HS6ST3: variants seen among roughly 807,000 people sequenced by gnomAD.
The protein encoded by HS6ST3 is heparan-sulfate 6-O-sulfotransferase 3.
Under a neutral mutation model 36.7 loss-of-function variants are expected in HS6ST3, and 12 were observed. The ratio of observed to expected loss-of-function variants is 0.33; its 90% CI spans 0.21 to 0.53. HS6ST3 has a LOEUF of 0.53. HS6ST3 is among the 20% of genes least tolerant of loss of function. The probability of loss-of-function intolerance (pLI) is 0.95; values close to 1 mark genes in which losing one functional copy is unlikely to be tolerated. For synonymous variants in HS6ST3, 240 were observed against 257.5 expected, an observed-to-expected ratio of 0.93 and a Z score of 0.65; for missense variants, 584 against 640.9, an observed-to-expected ratio of 0.91 and a Z score of 0.96.
intron 1 of HS6ST3, among the ~76,000 whole-genome samples, chr13:96,212,151 T>G (rs1340939233): frequency 6.6e-6 from 1 of 152,224 alleles, no homozygotes; most frequent in Non-Finnish European, 1.5e-5. Flanking sequence ...TTTTGTAGAA[T>G]TTTTGAAATG....
intron 1 of HS6ST3, among the ~76,000 whole-genome samples, chr13:96,647,791 A>T (rs1205931768): frequency 6.6e-6 from 1 of 151,980 alleles, no homozygotes; most frequent in Non-Finnish European, 1.5e-5. Context: ...TTCACAGGAA[A>T]ACATAGAAAA....
intron 1 of HS6ST3, among the ~76,000 whole-genome samples, chr13:96,639,242 A>G (rs2056561720): frequency 6.6e-6 from 1 of 151,992 alleles, no homozygotes; most frequent in African/African-American, 2.4e-5. Flanking sequence ...AAATTGCTAT[A>G]ATTTCTAATA....
chr13:96,169,676 G>A (rs568928120), intron 1 of HS6ST3: 14 of 152,410 alleles, frequency 9.2e-5, no homozygotes, highest in African/African-American at 3.1e-4. Flanking sequence ...ACTAAGTTTA[G>A]CATCAATAGG....
intron 1 of HS6ST3, among the ~76,000 whole-genome samples, chr13:96,780,440 G>A (rs905969577): frequency 6.6e-6 from 1 of 152,114 alleles, no homozygotes; most frequent in East Asian, 1.9e-4. Context: ...TCCTGGGGTA[G>A]GGAAGAAGTA....
At chr13:96,547,707 TC>T (rs2056202836) in intron 1 of HS6ST3, among the ~76,000 whole-genome samples, 1 of 152,136 alleles carries the variant, frequency 6.6e-6, no homozygotes, top group African/African-American at 2.4e-5. Flanking sequence ...TGCCTCATCT[TC>T]GTTTGTGGCA....
intron 1 of HS6ST3, among the ~76,000 whole-genome samples, chr13:96,099,899 A>G (rs1254629879): frequency 6.6e-6 from 1 of 152,180 alleles, no homozygotes; most frequent in African/African-American, 2.4e-5. Context: ...GAAAATATAG[A>G]CCTAGAAAGA....
chr13:96,472,436 G>A (rs2055844103), intron 1 of HS6ST3, among the ~76,000 whole-genome samples: 2 of 152,130 alleles, frequency 1.3e-5, no homozygotes, highest in South Asian at 2.1e-4. Flanking sequence ...CTCCCCTCTG[G>A]CCTTCTTTAT....
intron 1 of HS6ST3, among the ~76,000 whole-genome samples, chr13:96,393,954 C>T (rs2055408369): frequency 6.6e-6 from 1 of 152,106 alleles, no homozygotes; most frequent in Admixed American, 6.6e-5. Flanking sequence ...GCTCATGATG[C>T]CAGAAAATGG....
chr13:96,211,693 T>A (rs558884381), intron 1 of HS6ST3, among the ~76,000 whole-genome samples: 1 of 152,340 alleles, frequency 6.6e-6, no homozygotes, highest in African/African-American at 2.4e-5. Flanking sequence ...AAGAGGATGC[T>A]ATTCTCTCAT....
intron 1 of HS6ST3, among the ~76,000 whole-genome samples, chr13:96,330,041 C>G (rs1286137974): frequency 6.7e-6 from 1 of 149,534 alleles, no homozygotes; most frequent in Non-Finnish European, 1.5e-5. Context: ...CTTGGTAGAT[C>G]TTCCACCATC....
At chr13:96,506,220 G>T (rs1028133932) in intron 1 of HS6ST3, among the ~76,000 whole-genome samples, 8 of 152,192 alleles carry the variant, frequency 5.3e-5, no homozygotes, top group African/African-American at 1.9e-4. Flanking sequence ...GATTAACAGA[G>T]AACTTTTCTT....
intron 1 of HS6ST3, among the ~76,000 whole-genome samples, chr13:96,366,879 T>G (rs746917602): frequency 6.6e-6 from 1 of 152,160 alleles, no homozygotes; most frequent in African/African-American, 2.4e-5. Flanking sequence ...TGAATAAGTC[T>G]CGCAAGACCT....
chr13:96,354,076 G>C (rs2055197973), intron 1 of HS6ST3, among the ~76,000 whole-genome samples: 1 of 152,128 alleles, frequency 6.6e-6, no homozygotes, highest in Admixed American at 6.6e-5. Context: ...TTAATATTGC[G>C]CTATTGCTTG....
At chr13:96,534,006 C>A (rs1353886228) in intron 1 of HS6ST3, among the ~76,000 whole-genome samples, 1 of 152,204 alleles carries the variant, frequency 6.6e-6, no homozygotes, top group Admixed American at 6.5e-5. Context: ...TTCTCCAGCC[C>A]CCAAATGACT....
intron 1 of HS6ST3, among the ~76,000 whole-genome samples, chr13:96,620,154 AC>A (rs1274204887): frequency 1.3e-5 from 2 of 152,212 alleles, no homozygotes; most frequent in Non-Finnish European, 2.9e-5. Context: ...GATTTAAAGC[AC>A]CCAAAACTAT....
At chr13:96,527,869 A>G (rs1426693209) in intron 1 of HS6ST3, among the ~76,000 whole-genome samples, 2 of 152,166 alleles carry the variant, frequency 1.3e-5, no homozygotes, top group African/African-American at 4.8e-5. Context: ...CAAGACTGTC[A>G]GGGGTGTCTT....
At chr13:96,619,770 A>C (rs2056487580) in intron 1 of HS6ST3, among the ~76,000 whole-genome samples, 1 of 152,346 alleles carries the variant, frequency 6.6e-6, no homozygotes, top group African/African-American at 2.4e-5. Flanking sequence ...AAGAGCTGGA[A>C]TATTTTTTAT....
chr13:96,656,028 A>T (rs1180152384), intron 1 of HS6ST3, among the ~76,000 whole-genome samples: 1 of 152,166 alleles, frequency 6.6e-6, no homozygotes, highest in Non-Finnish European at 1.5e-5. Context: ...ATGATGTATA[A>T]AACATACTAA....
chr13:96,150,059 T>C (rs955104275), intron 1 of HS6ST3, among the ~76,000 whole-genome samples: 4 of 152,120 alleles, frequency 2.6e-5, no homozygotes, highest in African/African-American at 9.7e-5. Flanking sequence ...GTTCCTGCCA[T>C]CCGCAGCTTG....
Sources: gnomAD v4.1 joint callset for allele counts (sites outside exome capture counted in the v4.1 genomes callset) on GRCh38, gnomAD v4.1.1 for gene constraint, MANE v1.5 for transcripts, NCBI Gene and HGNC (gene_info 2026-07-23, HGNC 2026-07-21) for gene names.